Variants in CCDC7 observed in about 807,000 individuals in gnomAD.
CCDC7 encodes the protein coiled-coil domain containing 7.
CCDC7 carries 183 observed loss-of-function variants against 196.9 expected under a neutral mutation model. The observed-to-expected ratio is 0.93, with a 90% CI of 0.82 to 1.05. CCDC7 has a LOEUF of 1.05. Among genes scored for constraint, CCDC7 ranks in the 50% least tolerant of loss-of-function variants. The pLI is 0.00. For synonymous variants in CCDC7, 525 were observed against 484.6 expected, an observed-to-expected ratio of 1.08 and a Z score of -1.10; for missense variants, 1,540 against 1,482.2, an observed-to-expected ratio of 1.04 and a Z score of -0.64.
At chr10:32,484,415 C>A (rs979717722) in intron 8 of CCDC7, among the ~76,000 whole-genome samples, 4 of 152,204 alleles carry the variant, frequency 2.6e-5, no homozygotes, top group African/African-American at 7.2e-5. Context: ...ATGGGGTTTT[C>A]TAAATATACA....
chr10:32,642,981 G>A (rs1372020761), intron 20 of CCDC7, among the ~76,000 whole-genome samples: 2 of 152,144 alleles, frequency 1.3e-5, no homozygotes, highest in African/African-American at 2.4e-5. Context: ...AAATTAAGCA[G>A]AATTTGGTTT....
At chr10:32,770,657 G>A (rs7915385) in intron 28 of CCDC7, among the ~76,000 whole-genome samples, 47,108 of 151,932 alleles carry the variant, frequency 0.31, 8,911 homozygotes, top group African/African-American at 0.52. Context: ...ATTTAAGTCC[G>A]TTGTTTCTCT....
chr10:32,811,255 G>T (rs1404863930), intron 30 of CCDC7, among the ~76,000 whole-genome samples: 1 of 151,552 alleles, frequency 6.6e-6, no homozygotes, highest in African/African-American at 2.4e-5. Context: ...TAAACCACTA[G>T]GTAGACTAAC....
At chr10:32,565,952 G>A (rs950804796) in intron 14 of CCDC7, among the ~76,000 whole-genome samples, 4 of 152,012 alleles carry the variant, frequency 2.6e-5, no homozygotes, top group Non-Finnish European at 5.9e-5. Context: ...ATACTTAAAG[G>A]TAAAATACTG....
intron 24 of CCDC7, among the ~76,000 whole-genome samples, chr10:32,708,329 A>G (rs1378728344): frequency 6.6e-6 from 1 of 152,182 alleles, no homozygotes; most frequent in Non-Finnish European, 1.5e-5. Context: ...ATTCACATGG[A>G]TTAAAGACTT....
At chr10:32,476,970 T>C (rs1486657960) in intron 8 of CCDC7, among the ~76,000 whole-genome samples, 1 of 152,222 alleles carries the variant, frequency 6.6e-6, no homozygotes, top group African/African-American at 2.4e-5. Context: ...GTATCAGATA[T>C]GTATTTGGCA....
intron 30 of CCDC7, among the ~76,000 whole-genome samples, chr10:32,811,111 AG>A (rs2086989237): frequency 6.6e-6 from 1 of 152,064 alleles, no homozygotes; most frequent in Non-Finnish European, 1.5e-5. Context: ...AGACTAGAAA[AG>A]CAAAAACAAA....
At chr10:32,688,753 G>A (rs2076743193) in intron 22 of CCDC7, among the ~76,000 whole-genome samples, 1 of 152,102 alleles carries the variant, frequency 6.6e-6, no homozygotes, top group Non-Finnish European at 1.5e-5. Context: ...TGGTGCATAT[G>A]CATTTTCATT....
intron 41 of CCDC7, among the ~76,000 whole-genome samples, chr10:32,873,172 C>T (rs111255576): frequency 0.01 from 1,570 of 152,238 alleles, 43 homozygotes; most frequent in African/African-American, 0.036. Context: ...CTTTCAGGTA[C>T]ACCAATCAGA....
intron 14 of CCDC7, among the ~76,000 whole-genome samples, chr10:32,566,296 G>T (rs2056777402): frequency 6.6e-6 from 1 of 152,020 alleles, no homozygotes; most frequent in South Asian, 2.1e-4. Flanking sequence ...AGACAGAAAA[G>T]ACATAGCAAA....
chr10:32,530,712 A>G (rs1434532529), intron 11 of CCDC7, among the ~76,000 whole-genome samples: 1 of 152,136 alleles, frequency 6.6e-6, no homozygotes, highest in Non-Finnish European at 1.5e-5. Context: ...GAACAAGGCT[A>G]ATTAGACTTC....
chr10:32,498,533 C>T (rs2043276524), intron 9 of CCDC7, among the ~76,000 whole-genome samples: 1 of 152,142 alleles, frequency 6.6e-6, no homozygotes, highest in South Asian at 2.1e-4. Flanking sequence ...TTATTCCTTT[C>T]CATGTTTAGT....
intron 11 of CCDC7, among the ~76,000 whole-genome samples, chr10:32,525,077 C>G (rs1486041581): frequency 6.8e-6 from 1 of 148,092 alleles, no homozygotes; most frequent in African/African-American, 2.5e-5. Context: ...TTTCTTTTGT[C>G]TCCTCTGTCT....
At chr10:32,808,411 CT>C (rs2135255177) in intron 30 of CCDC7, among the ~76,000 whole-genome samples, 1 of 152,318 alleles carries the variant, frequency 6.6e-6, no homozygotes, top group East Asian at 1.9e-4. Context: ...TCTGTGCACT[CT>C]TCCTGGGTCC....
intron 33 of CCDC7, 81 bp from the exon 35 acceptor site, chr10:32,845,162 C>G: frequency 2.7e-6 from 2 of 754,238 alleles, no homozygotes; most frequent in South Asian, 4.6e-5. Context: ...GAATATCCTC[C>G]TATAATTAAA....
intron 18 of CCDC7, among the ~76,000 whole-genome samples, chr10:32,602,638 C>T (rs1264569492): frequency 6.6e-6 from 1 of 151,954 alleles, no homozygotes; most frequent in Non-Finnish European, 1.5e-5. Context: ...TCTTAGAATT[C>T]TGCTCTGCCA....
chr10:32,710,268 C>T (rs2080601318), intron 24 of CCDC7, among the ~76,000 whole-genome samples: 1 of 152,174 alleles, frequency 6.6e-6, no homozygotes, highest in Non-Finnish European at 1.5e-5. Flanking sequence ...AAGGGCTCTC[C>T]ATTCGTTTTA....
intron 23 of CCDC7, among the ~76,000 whole-genome samples, chr10:32,692,415 A>T (rs1053238149): frequency 1.3e-5 from 2 of 152,248 alleles, no homozygotes; most frequent in Non-Finnish European, 2.9e-5. Flanking sequence ...TAAATAATAC[A>T]TTAGCATTCT....
chr10:32,574,024 C>G (rs1040213562), intron 16 of CCDC7, among the ~76,000 whole-genome samples: 1 of 152,076 alleles, frequency 6.6e-6, no homozygotes, highest in African/African-American at 2.4e-5. Context: ...AAAGCTATTT[C>G]TGACTGGATT....
Sources: gnomAD v4.1 joint callset for allele counts (sites outside exome capture counted in the v4.1 genomes callset) on GRCh38, gnomAD v4.1.1 for gene constraint, MANE v1.5 for transcripts, NCBI Gene and HGNC (gene_info 2026-07-23, HGNC 2026-07-21) for gene names.